Variants in MLXIP observed in about 807,000 individuals in gnomAD.
The protein encoded by MLXIP is MLX interacting protein.
A neutral mutation model predicts 87.2 loss-of-function variants in MLXIP; 30 were observed. The observed-to-expected ratio is 0.34, with a 90% confidence interval of 0.26 to 0.47. The LOEUF (loss-of-function observed/expected upper bound fraction) is 0.47, where lower values mean the gene tolerates loss of function less well. MLXIP is among the 20% of genes least tolerant of loss of function. The pLI is 1.00. For missense variants in MLXIP, 1,002 were observed against 1,240.1 expected (o/e 0.81, Z 2.88); for synonymous variants, 530 against 514.0 (o/e 1.03, Z -0.42).
chr12:122,115,941 C>T (rs776681659), intron 1 of MLXIP, among the ~76,000 whole-genome samples: 20 of 152,070 alleles, frequency 1.3e-4, no homozygotes, highest in Middle Eastern at 3.4e-3. Flanking sequence ...ATCCCAGCTA[C>T]TTGGGAGGCT....
intron 1 of MLXIP, among the ~76,000 whole-genome samples, chr12:122,116,662 G>A (rs890456712): frequency 6.6e-6 from 1 of 152,174 alleles, no homozygotes; most frequent in African/African-American, 2.4e-5. Flanking sequence ...CTTATGGCTT[G>A]AATCTGACAG....
At chr12:122,083,214 G>A (rs1290785733) in intron 1 of MLXIP, among the ~76,000 whole-genome samples, 1 of 152,114 alleles carries the variant, frequency 6.6e-6, no homozygotes, top group Non-Finnish European at 1.5e-5. Context: ...TTATTTCAGG[G>A]AGCGTTGGTA....
intron 1 of MLXIP, among the ~76,000 whole-genome samples, chr12:122,125,822 A>T (rs150239764): frequency 6.6e-6 from 1 of 152,336 alleles, no homozygotes; most frequent in Non-Finnish European, 1.5e-5. Flanking sequence ...TGTATTGCCC[A>T]AAGCCTGGGC....
chr12:122,138,742 C>T, intron 14 of MLXIP, 73 bp from the exon 15 acceptor site: 2 of 1,572,888 alleles, frequency 1.3e-6, no homozygotes, highest in Non-Finnish European at 1.7e-6. Flanking sequence ...TGGGCCAGCC[C>T]TGCCATCTTT....
chr12:122,103,100 C>T (rs1952460514), intron 1 of MLXIP, among the ~76,000 whole-genome samples: 1 of 152,108 alleles, frequency 6.6e-6, no homozygotes, highest in Non-Finnish European at 1.5e-5. Context: ...ACCTCCCAGG[C>T]TCAAGGCATT....
intron 1 of MLXIP, among the ~76,000 whole-genome samples, chr12:122,079,603 A>G (rs967520966): frequency 2.0e-5 from 3 of 152,152 alleles, no homozygotes; most frequent in Non-Finnish European, 4.4e-5. Flanking sequence ...CCTTCCTCCA[A>G]ACGCTTTGTG....
intron 1 of MLXIP, among the ~76,000 whole-genome samples, chr12:122,084,899 G>T (rs566761172): frequency 6.6e-6 from 1 of 152,036 alleles, no homozygotes; most frequent in East Asian, 1.9e-4. Flanking sequence ...GGTAGGTGGT[G>T]GTGGAATCCT....
intron 1 of MLXIP, among the ~76,000 whole-genome samples, chr12:122,097,061 C>A (rs1202596075): frequency 2.6e-5 from 4 of 152,240 alleles, no homozygotes; most frequent in Admixed American, 2.0e-4. Context: ...TGCTTCTCAG[C>A]TGCTCGCTTG....
chr12:122,128,069 GTAGT>G, intron 3 of MLXIP, 101 bp downstream of exon 3: 1 of 1,061,572 alleles, frequency 9.4e-7, no homozygotes, highest in Non-Finnish European at 1.4e-6. Flanking sequence ...GCTGCCGAGG[GTAGT>G]GCAGCGCCTG....
chr12:122,132,293 CCTCTT>C lies in MLXIP; in HGVS notation c.1010_1014del (p.Ser337Ter). ...AAGACCCCTGCTGTTGTTTTTCAGA[CCTCTT>C]CTCTTCTAGCCGCTCCATTTTTGGC... is the stretch of plus-strand genomic sequence containing the variant. On this transcript the variant is annotated frameshift_variant and splice_region_variant, in exon 8 of 17. Coordinates refer to ENST00000319080, the MANE Select transcript of MLXIP (RefSeq NM_014938.6). LOFTEE classifies it high-confidence loss of function. 4 of 1,609,942 alleles carry C rather than the reference CCTCTT, an allele frequency of 2.5e-6. No homozygotes were observed. Among genetic ancestry groups the C allele is most frequent in the Admixed American group, 1.7e-5 (1 of 59,496 alleles).
intron 1 of MLXIP, among the ~76,000 whole-genome samples, chr12:122,123,665 C>A (rs1284230035): frequency 6.6e-6 from 1 of 152,122 alleles, no homozygotes; most frequent in South Asian, 2.1e-4. Flanking sequence ...GTCTGCTGTA[C>A]CCCCTGCCTT....
intron 1 of MLXIP, among the ~76,000 whole-genome samples, chr12:122,107,031 AG>A (rs567625499): frequency 1.3e-5 from 2 of 152,170 alleles, no homozygotes; most frequent in African/African-American, 2.4e-5. Context: ...GAGCACTGGC[AG>A]GGGTTCAACG....
chr12:122,114,720 C>T, intron 1 of MLXIP, among the ~76,000 whole-genome samples: 1 of 148,410 alleles, frequency 6.7e-6, no homozygotes, highest in South Asian at 2.2e-4. Context: ...CTTGACCTCT[C>T]TTTGGGAAGG....
At chr12:122,092,501 G>T (rs1223937712) in intron 1 of MLXIP, among the ~76,000 whole-genome samples, 1 of 152,094 alleles carries the variant, frequency 6.6e-6, no homozygotes, top group Non-Finnish European at 1.5e-5. Context: ...ATCTAAGACT[G>T]CCTGGTACAC....
chr12:122,095,231 G>A (rs1481290853), intron 1 of MLXIP, among the ~76,000 whole-genome samples: 1 of 150,930 alleles, frequency 6.6e-6, no homozygotes, highest in Non-Finnish European at 1.5e-5. Flanking sequence ...GTTTGTGTGT[G>A]GGATGTGTGG....
chr12:122,113,015 GT>G (rs1411234076), intron 1 of MLXIP, among the ~76,000 whole-genome samples: 2 of 152,206 alleles, frequency 1.3e-5, no homozygotes, highest in Admixed American at 6.5e-5. Context: ...ATGAAAATTA[GT>G]GTTTATCACA....
rs1005421838 is a variant in MLXIP, at chr12:122,135,458, C to T, written c.1855-31C>T. 2 of 1,608,600 alleles carry T rather than the reference C, an allele frequency of 1.2e-6. No homozygotes were observed. Among genetic ancestry groups the T allele is most frequent in the Admixed American group, 1.7e-5 (1 of 59,340 alleles). On this transcript the variant is annotated intron_variant, in intron 10 of 16. Coordinates refer to ENST00000319080, the MANE Select transcript of MLXIP (RefSeq NM_014938.6). The surrounding 1 kb of genome is among the most constrained non-coding windows in gnomAD (Gnocchi z 5.3). ...TGCCGCCCTGCTGTATATCAGCAGTCAGGGGTGACCTGTCTCCCATGTCAC... is the reference window on the plus strand; with the variant it reads ...TGCCGCCCTGCTGTATATCAGCAGTTAGGGGTGACCTGTCTCCCATGTCAC...
At chr12:122,093,753 G>GTGT in intron 1 of MLXIP, among the ~76,000 whole-genome samples, 1 of 144,602 alleles carries the variant, frequency 6.9e-6, no homozygotes, top group South Asian at 2.3e-4. Flanking sequence ...TGTGTGGTGT[G>GTGT]GGTGTAGTGT....
In MLXIP at chr12:122,130,097, A is replaced by G; in HGVS notation, c.895A>G (p.Asn299Asp). 6.2e-7 allele frequency: 1 copy of G among 1,613,606 alleles called. No homozygotes were observed. The highest frequency in any genetic ancestry group is 8.5e-7 in the Non-Finnish European group (1 of 1,179,744). Residue 299 changes from asparagine to aspartate, a missense_variant, in exon 6 of 17, where the codon AAT (asparagine) becomes GAT (aspartate). Physicochemically the swap from Asn to Asp is conservative, Grantham distance 23. This residue lies in a region of MLXIP where 746 missense variants were observed against 897.0 expected (regional missense o/e 0.83). Coordinates refer to ENST00000319080, the MANE Select transcript of MLXIP (RefSeq NM_014938.6). ...TTCACACCAGCCGGTGGCCTGGCCCAATCCCCGGGAAATAGGTAACCCAAA... is the reference window on the plus strand; with the variant it reads ...TTCACACCAGCCGGTGGCCTGGCCCGATCCCCGGGAAATAGGTAACCCAAA... ...LSSHQPVAWP[N>D]PREIAHLGNA... is the part of the protein sequence containing the mutation.
Sources: gnomAD v4.1 joint callset for allele counts (sites outside exome capture counted in the v4.1 genomes callset) on GRCh38, gnomAD v4.1.1 for gene constraint, gnomAD v4.1.1 regional missense constraint, Gnocchi (gnomAD v3.1) non-coding constraint, MANE v1.5 for transcripts, NCBI Gene and HGNC (gene_info 2026-07-23, HGNC 2026-07-21) for gene names.